TCP11L1: variants seen among roughly 807,000 people sequenced by gnomAD.
TCP11L1 encodes the protein T-complex protein 11-like protein 1.
TCP11L1 carries 28 observed loss-of-function variants against 48.9 expected under a neutral mutation model. That is an observed-to-expected ratio of 0.57 (90% CI 0.42 to 0.78). The LOEUF (loss-of-function observed/expected upper bound fraction) is 0.78, where lower values mean the gene tolerates loss of function less well. Among genes scored for constraint, TCP11L1 ranks in the 30% least tolerant of loss-of-function variants. The probability of loss-of-function intolerance (pLI) is 0.00; values close to 1 mark genes in which losing one functional copy is unlikely to be tolerated. For missense variants in TCP11L1, 505 were observed against 613.4 expected, an observed-to-expected ratio of 0.82 and a Z score of 1.87; for synonymous variants, 204 against 231.9, an observed-to-expected ratio of 0.88 and a Z score of 1.09.
chr11:33,070,687 A>G (rs1391189171), intron 9 of TCP11L1, among the ~76,000 whole-genome samples: 2 of 105,608 alleles, frequency 1.9e-5, no homozygotes, highest in Non-Finnish European at 4.3e-5. Context: ...GTCTGTCTCA[A>G]AAAAAAAAAA....
chr11:33,046,944 C>G (rs908815441), intron 2 of TCP11L1, among the ~76,000 whole-genome samples: 1 of 143,406 alleles, frequency 7.0e-6, no homozygotes, highest in Non-Finnish European at 1.6e-5. Context: ...GTTGCTAGGC[C>G]AGGCGCATTG....
At chr11:33,040,474 A>G (rs1853798284) in intron 1 of TCP11L1, 2 of 152,348 alleles carry the variant, frequency 1.3e-5, no homozygotes, top group African/African-American at 4.8e-5. Flanking sequence ...GTCTGAAACC[A>G]ACGCCCAGCC....
intron 9 of TCP11L1, 149 bp downstream of exon 9, chr11:33,069,008 AC>A: frequency 1.0e-6 from 1 of 1,003,202 alleles, no homozygotes. Flanking sequence ...GACCAGGGCC[AC>A]CCAACAGATG....
Position 33,057,977 on chromosome 11 carries a change from T to C in TCP11L1, c.476T>C (p.Val159Ala). The C allele has an allele frequency of 4.3e-6, 7 of 1,614,116 alleles. No homozygotes were observed. Among genetic ancestry groups the C allele is most frequent in the Non-Finnish European group, 5.9e-6 (7 of 1,180,026 alleles). Residue 159 changes from valine (V) to alanine (A), a missense_variant, in exon 5 of 10, where the codon GTC (valine) becomes GCC (alanine). Physicochemically the swap from Val to Ala is moderately conservative, Grantham distance 64. Around this residue, in one of 3 missense-constraint regions of TCP11L1, gnomAD observed 168 missense variants for 183.5 expected, o/e 0.92. Transcript: ENST00000334274. ...AGACTGAGAAACCAGATAACAGAAGTCTTGGATCTGGATCTGATAAAGCAG... is the reference window on the plus strand; with the variant it reads ...AGACTGAGAAACCAGATAACAGAAGCCTTGGATCTGGATCTGATAAAGCAG... Reference protein sequence around the residue: ...HTRLRNQITEVLDLDLIKQEA... With the variant: ...HTRLRNQITEALDLDLIKQEA...
At chr11:33,058,280 C>A (rs1365690196) in intron 5 of TCP11L1, 141 bp downstream of exon 5, 2 of 752,306 alleles carry the variant, frequency 2.7e-6, no homozygotes, top group Non-Finnish European at 4.1e-6. Context: ...TTCACTGCAA[C>A]CTCCACCTCC....
At chr11:33,053,659 A>G (rs1424947109) in intron 2 of TCP11L1, among the ~76,000 whole-genome samples, 1 of 152,180 alleles carries the variant, frequency 6.6e-6, no homozygotes, top group Non-Finnish European at 1.5e-5. Context: ...GATTCACTGG[A>G]TCAGCATTCT....
chr11:33,053,319 A>G (rs1284498279), intron 2 of TCP11L1, among the ~76,000 whole-genome samples: 3 of 151,924 alleles, frequency 2.0e-5, no homozygotes, highest in African/African-American at 7.3e-5. Flanking sequence ...TAATTTTTGT[A>G]TTTTTAGTAG....
At chr11:33,051,311 A>G (rs1398256406) in intron 2 of TCP11L1, among the ~76,000 whole-genome samples, 1 of 151,582 alleles carries the variant, frequency 6.6e-6, no homozygotes, top group Non-Finnish European at 1.5e-5. Flanking sequence ...GGGACTACAG[A>G]CACCTGCCAT....
At chr11:33,058,437 G>A (rs1055249819) in intron 5 of TCP11L1, among the ~76,000 whole-genome samples, 1 of 151,556 alleles carries the variant, frequency 6.6e-6, no homozygotes, top group Non-Finnish European at 1.5e-5. Flanking sequence ...GACCTCACGT[G>A]ATTGGCTGCC....
At chr11:33,062,709 C>T (rs1854502375) in intron 7 of TCP11L1, among the ~76,000 whole-genome samples, 1 of 152,218 alleles carries the variant, frequency 6.6e-6, no homozygotes, top group Non-Finnish European at 1.5e-5. Flanking sequence ...AGCCACCATT[C>T]TACTTTGAGT....
At position 33,039,644 on chromosome 11, in the gene TCP11L1, C is replaced by T. The variant is rs1316116517; in HGVS notation, c.-173C>T. The T allele has an allele frequency of 6.6e-6, 1 of 152,306 alleles. No individual in the cohort carries two copies. Among genetic ancestry groups the T allele is most frequent in the Admixed American group, 6.5e-5 (1 of 15,292 alleles). 9.4% of individuals were successfully genotyped at this position (152,306 alleles called of 1,614,324 possible). On this transcript the variant is annotated 5_prime_UTR_variant, in exon 1 of 10. Coordinates refer to ENST00000334274, the MANE Select transcript of TCP11L1 (RefSeq NM_018393.4). ...CACCCGAGTCGGGCTGGGAGGACCG[C>T]CCGCCGCGTGGCGAGGGATGCGGCC...
chr11:33,056,445 A>C (rs1854311219), intron 3 of TCP11L1: 1 of 153,196 alleles, frequency 6.5e-6, no homozygotes, highest in Non-Finnish European at 1.5e-5. Flanking sequence ...TGTTGTATAT[A>C]TAAGTTGTTA....
At chr11:33,045,484 C>G (rs929636869) in intron 2 of TCP11L1, among the ~76,000 whole-genome samples, 1 of 151,864 alleles carries the variant, frequency 6.6e-6, no homozygotes, top group East Asian at 1.9e-4. Flanking sequence ...TCACCGCACT[C>G]CAGCCTGGAT....
chr11:33,064,315 C>A (rs886065335), intron 7 of TCP11L1, among the ~76,000 whole-genome samples: 3 of 152,130 alleles, frequency 2.0e-5, no homozygotes, highest in African/African-American at 7.2e-5. Flanking sequence ...GACGATGAGT[C>A]CTTGGGATTG....
chr11:33,043,052 C>T (rs1019602701), intron 1 of TCP11L1, among the ~76,000 whole-genome samples: 4 of 152,102 alleles, frequency 2.6e-5, no homozygotes, highest in East Asian at 1.9e-4. Context: ...GATGAAAGAG[C>T]GAAACTCTGT....
chr11:33,043,691 T>C, intron 1 of TCP11L1, 59 bp from the exon 2 acceptor site: 2 of 1,423,826 alleles, frequency 1.4e-6, no homozygotes, highest in Non-Finnish European at 1.9e-6. Flanking sequence ...GTCACATTGC[T>C]AGTTGGTGAC....
chr11:33,053,806 A>G (rs746265036), intron 2 of TCP11L1, among the ~76,000 whole-genome samples: 3 of 152,084 alleles, frequency 2.0e-5, no homozygotes, highest in Non-Finnish European at 4.4e-5. Context: ...AAAGGACTTG[A>G]TGGTATTTTA....
intron 2 of TCP11L1, among the ~76,000 whole-genome samples, chr11:33,048,716 T>C (rs1854069576): frequency 6.6e-6 from 1 of 152,220 alleles, no homozygotes; most frequent in Non-Finnish European, 1.5e-5. Context: ...CCCAAAACAC[T>C]GAGAATGCAC....
At chr11:33,065,784 C>A (rs750140484) in intron 7 of TCP11L1, 46 bp from the exon 8 acceptor site, 1 of 1,586,040 alleles carries the variant, frequency 6.3e-7, no homozygotes, top group Non-Finnish European at 8.6e-7. Flanking sequence ...CTCTGCTGGC[C>A]AACCTGGACC....
Sources: gnomAD v4.1 joint callset for allele counts (sites outside exome capture counted in the v4.1 genomes callset) on GRCh38, gnomAD v4.1.1 for gene constraint, gnomAD v4.1.1 regional missense constraint, MANE v1.5 for transcripts, NCBI Gene and HGNC (gene_info 2026-07-23, HGNC 2026-07-21) for gene names.